The following SYNE1 variants were observed in gnomAD, a reference collection of about 807,000 sequenced individuals.
SYNE1 encodes the protein nesprin-1.
A neutral mutation model predicts 1,111.0 loss-of-function variants in SYNE1; 616 were observed. The ratio of observed to expected loss-of-function variants is 0.55; its 90% confidence interval spans 0.52 to 0.59. The LOEUF (loss-of-function observed/expected upper bound fraction) is 0.59. Among genes scored for constraint, SYNE1 ranks in the 20% least tolerant of loss-of-function variants. The pLI, the probability that SYNE1 is intolerant of heterozygous loss-of-function variation, is 0.00. For missense variants in SYNE1, 10,006 were observed against 10,417.0 expected, an observed-to-expected ratio of 0.96 and a Z score of 1.72; for synonymous variants, 3,855 against 3,825.8, an observed-to-expected ratio of 1.01 and a Z score of -0.28.
Position 152,325,993 on chromosome 6 carries a change from T to G in SYNE1, c.15403A>C (p.Ser5135Arg). The G allele has an allele frequency of 6.2e-7, 1 of 1,614,206 alleles. No individual in the cohort carries two copies. The highest frequency in any genetic ancestry group is 8.5e-7 in the Non-Finnish European group (1 of 1,180,024). The change falls in exon 80 of 146, where the codon AGT becomes CGT. Residue 5135 changes from serine (S) to arginine (R), a missense_variant. Ser to Arg is a moderately radical substitution (Grantham distance 110). Transcript: ENST00000367255. Reference protein sequence around the residue: ...SEFSLLKTSSSHEAEEKLSEH... With the variant: ...SEFSLLKTSSRHEAEEKLSEH... ...GACAATTTTTCTTCCGCTTCATGACTAGACGAAGTCTTCAACAAAGAAAAC... is the reference window on the plus strand; with the variant it reads ...GACAATTTTTCTTCCGCTTCATGACGAGACGAAGTCTTCAACAAAGAAAAC...
intron 141 of SYNE1, among the ~76,000 whole-genome samples, chr6:152,135,822 G>A (rs2056938557): frequency 6.6e-6 from 1 of 152,132 alleles, no homozygotes; most frequent in African/African-American, 2.4e-5. Context: ...ATGGCGCTCA[G>A]AATATGATCC....
At chr6:152,520,857 G>A (rs116248605) in intron 5 of SYNE1, among the ~76,000 whole-genome samples, 1 of 152,152 alleles carries the variant, frequency 6.6e-6, no homozygotes, top group African/African-American at 2.4e-5. Context: ...TCTCATCATT[G>A]GTCTGTGCAC....
At position 152,573,446 on chromosome 6, in the gene SYNE1, CTTGCGGTAGT is replaced by C. The variant is rs374914171; in HGVS notation, c.68-33435_68-33426del. On this transcript the variant is annotated intron_variant, in intron 3 of 145. Coordinates refer to ENST00000367255, the MANE Select transcript of SYNE1 (RefSeq NM_182961.4). ...AACATGCGGTGTTTGGTTTTTTGTC[CTTGCGGTAGT>C]TTGCTGAGAATGATGGTTTCCAAGG... 3.4e-3 allele frequency among the ~76,000 whole-genome samples: 517 copies of C among 149,880 alleles called. 2 individuals carry two copies. Among genetic ancestry groups the C allele is most frequent in the African/African-American group, 0.012 (505 of 40,668 alleles).
chr6:152,264,635 A>T (rs2092486577), intron 100 of SYNE1, among the ~76,000 whole-genome samples: 1 of 151,760 alleles, frequency 6.6e-6, no homozygotes, highest in African/African-American at 2.4e-5. Flanking sequence ...TGTCTCTACA[A>T]AAAAAAATTC....
intron 30 of SYNE1, among the ~76,000 whole-genome samples, chr6:152,443,454 C>A (rs971568830): frequency 6.6e-6 from 1 of 152,084 alleles, no homozygotes; most frequent in East Asian, 1.9e-4. Flanking sequence ...TTAGTAGAGA[C>A]GGGGTTTCAC....
intron 3 of SYNE1, among the ~76,000 whole-genome samples, chr6:152,573,367 G>T (rs569527431): frequency 1.9e-4 from 25 of 130,196 alleles, no homozygotes; most frequent in South Asian, 9.4e-4. Context: ...GTGTGTTATG[G>T]TCCCCTTCCT....
At chr6:152,612,259 T>C (rs2099633366) in intron 3 of SYNE1, among the ~76,000 whole-genome samples, 1 of 151,650 alleles carries the variant, frequency 6.6e-6, no homozygotes, top group South Asian at 2.1e-4. Context: ...GCAAGACTAA[T>C]AAATAAGAAA....
At chr6:152,420,516 A>G (rs1184795899) in intron 39 of SYNE1, among the ~76,000 whole-genome samples, 1 of 152,146 alleles carries the variant, frequency 6.6e-6, no homozygotes, top group Non-Finnish European at 1.5e-5. Context: ...GCTACTTAGG[A>G]GGCTGAGGCA....
chr6:152,207,388 T>C (rs898422798), intron 125 of SYNE1, among the ~76,000 whole-genome samples: 7 of 152,162 alleles, frequency 4.6e-5, no homozygotes, highest in Non-Finnish European at 7.3e-5. Context: ...CCTTCTCTGC[T>C]GGCAGGGGGC....
chr6:152,516,029 C>T (rs926665160), intron 6 of SYNE1, among the ~76,000 whole-genome samples: 4 of 152,128 alleles, frequency 2.6e-5, no homozygotes, highest in African/African-American at 4.8e-5. Context: ...AAGACAAAGT[C>T]AGTACAAAGA....
chr6:152,213,311 T>C (rs945792018), intron 123 of SYNE1, among the ~76,000 whole-genome samples: 1 of 152,220 alleles, frequency 6.6e-6, no homozygotes, highest in Non-Finnish European at 1.5e-5. Flanking sequence ...TAACTATCTA[T>C]ACACGTTCCA....
intron 98 of SYNE1, among the ~76,000 whole-genome samples, chr6:152,271,995 G>T (rs1005653758): frequency 6.6e-6 from 1 of 152,232 alleles, no homozygotes; most frequent in Non-Finnish European, 1.5e-5. Flanking sequence ...ATTGAGAGAG[G>T]TTGGCTCAAG....
intron 8 of SYNE1, among the ~76,000 whole-genome samples, chr6:152,506,804 TG>T (rs569866621): frequency 7.8e-4 from 118 of 152,180 alleles, no homozygotes; most frequent in Non-Finnish European, 1.3e-3. Context: ...CTCAAATTCC[TG>T]GCCTCAAGTG....
intron 128 of SYNE1, among the ~76,000 whole-genome samples, chr6:152,184,920 C>T (rs964401439): frequency 2.0e-5 from 3 of 152,124 alleles, no homozygotes; most frequent in Non-Finnish European, 4.4e-5. Context: ...GATGAACCCT[C>T]AAATTATTTA....
At chr6:152,631,050 T>C (rs1046989697) in intron 2 of SYNE1, among the ~76,000 whole-genome samples, 3 of 152,216 alleles carry the variant, frequency 2.0e-5, no homozygotes, top group South Asian at 4.1e-4. Context: ...GAGACTATTT[T>C]TGAAGAGCTT....
intron 72 of SYNE1, among the ~76,000 whole-genome samples, chr6:152,348,875 A>C (rs1477556156): frequency 6.6e-6 from 1 of 152,054 alleles, no homozygotes; most frequent in Non-Finnish European, 1.5e-5. Context: ...GTCTACAAAC[A>C]GCGCTGGGCT....
chr6:152,275,916 TATG>T (rs1341360412), intron 98 of SYNE1, among the ~76,000 whole-genome samples: 1 of 150,618 alleles, frequency 6.6e-6, no homozygotes, highest in African/African-American at 2.4e-5. Context: ...CACACACATA[TATG>T]ATAAGACTAA....
intron 3 of SYNE1, among the ~76,000 whole-genome samples, chr6:152,618,474 C>T (rs1005998110): frequency 4.6e-5 from 7 of 152,018 alleles, no homozygotes; most frequent in Non-Finnish European, 7.4e-5. Context: ...TAAAGAAGAG[C>T]AGATGAAAGG....
intron 117 of SYNE1, 77 bp downstream of exon 117, chr6:152,224,417 T>G (rs1352572349): frequency 2.4e-6 from 3 of 1,241,254 alleles, no homozygotes; most frequent in Non-Finnish European, 3.5e-6. Flanking sequence ...TATTTCAGGA[T>G]GATGTCTCCA....
Sources: gnomAD v4.1 joint callset for allele counts (sites outside exome capture counted in the v4.1 genomes callset) on GRCh38, gnomAD v4.1.1 for gene constraint, MANE v1.5 for transcripts, NCBI Gene and HGNC (gene_info 2026-07-23, HGNC 2026-07-21) for gene names.